Variants in TNFAIP1 observed in about 807,000 individuals in gnomAD.
TNFAIP1 encodes the protein BTB/POZ domain-containing adapter for CUL3-mediated RhoA degradation protein 2.
TNFAIP1 carries 20 observed loss-of-function variants against 32.6 expected under a neutral mutation model. The observed-to-expected ratio is 0.61, with a 90% CI of 0.43 to 0.89. TNFAIP1 has a LOEUF of 0.89. Among genes scored for constraint, TNFAIP1 ranks in the 40% least tolerant of loss-of-function variants. The pLI, the probability that TNFAIP1 is intolerant of heterozygous loss-of-function variation, is 0.00. For synonymous variants in TNFAIP1, 166 were observed against 166.8 expected (o/e 1.00, Z 0.04); for missense variants, 319 against 425.1 (o/e 0.75, Z 2.20).
Position 28,344,484 on chromosome 17 carries a change from C to G in TNFAIP1, c.835C>G (p.Pro279Ala). 2 of 1,614,060 alleles carry G rather than the reference C, an allele frequency of 1.2e-6. No individual in the cohort carries two copies. The highest frequency in any genetic ancestry group is 1.7e-6 in the Non-Finnish European group (2 of 1,180,032). ...ATSRSRSQAS[P>A]SEDEETFELR... ...AAGCCGTAGCCGCAGCCAGGCTTCC[C>G]CCAGTGAAGATGAGGAGACCTTTGA... is the stretch of plus-strand genomic sequence containing the variant. Residue 279 changes from proline (P) to alanine (A), a missense_variant, in exon 7 of 7, where the codon CCC becomes GCC. Physicochemically the swap from Pro to Ala is conservative, Grantham distance 27. Transcript: ENST00000226225.
Position 28,340,523 on chromosome 17 carries a change from T to G in TNFAIP1, c.375+45T>G. 6.3e-7 allele frequency: 1 copy of G among 1,599,778 alleles called. No individual in the cohort carries two copies. Among genetic ancestry groups the G allele is most frequent in the Non-Finnish European group, 8.5e-7 (1 of 1,170,496 alleles). On this transcript the variant is annotated intron_variant, in intron 3 of 6. Coordinates refer to ENST00000226225, the MANE Select transcript of TNFAIP1 (RefSeq NM_021137.5). This position sits in a 1 kb window ranked among gnomAD's most constrained non-coding sequence, Gnocchi z 4.1. ...CAGGGCGGGCAGATGAGGTCAGGAG[T>G]TGCCCCCTTCTTGTGGGATGGAGGA...
Position 28,339,486 on chromosome 17 carries a change from A to G in TNFAIP1, c.-36A>G. ...CACCACGGCGGAGCCTTCCAAGCCT[A>G]CCTCCTGCCGTGTGGTGATCTACCT... On this transcript the variant is annotated 5_prime_UTR_variant, in exon 2 of 7. Coordinates refer to ENST00000226225, the MANE Select transcript of TNFAIP1 (RefSeq NM_021137.5). 2.6e-6 allele frequency: 4 copies of G among 1,551,234 alleles called. No homozygotes were observed. The highest frequency in any genetic ancestry group is 3.5e-6 in the Non-Finnish European group (4 of 1,149,548).
rs1206496136 is a variant in TNFAIP1, at chr17:28,346,248, TG to T, written c.*1649del. 1 of 152,260 alleles carries T rather than the reference TG, an allele frequency of 6.6e-6. No individual in the cohort carries two copies. Among genetic ancestry groups the T allele is most frequent in the African/African-American group, 2.4e-5 (1 of 41,474 alleles). 9.4% of individuals were successfully genotyped at this position (152,260 alleles called of 1,614,324 possible). On this transcript the variant is annotated 3_prime_UTR_variant, in exon 7 of 7. Coordinates refer to ENST00000226225, the MANE Select transcript of TNFAIP1 (RefSeq NM_021137.5). ...AAGACTCTCAGGTCAGGTACCTTGG[TG>T]ATCAGCTACTAGTTCTTCCAGCCCT...
rs1597794113 is a variant in TNFAIP1, at chr17:28,340,531, T to C, written c.375+53T>C. On this transcript the variant is annotated intron_variant, in intron 3 of 6. Transcript: ENST00000226225. The surrounding 1 kb of genome is among the most constrained non-coding windows in gnomAD (Gnocchi z 4.1). ...GCAGATGAGGTCAGGAGTTGCCCCC[T>C]TCTTGTGGGATGGAGGACTCTGGTT... is the stretch of plus-strand genomic sequence containing the variant. 6.3e-7 allele frequency: 1 copy of C among 1,591,038 alleles called. No homozygotes were observed. The highest frequency in any genetic ancestry group is 2.3e-5 in the East Asian group (1 of 44,430).
rs200262864 is a variant in TNFAIP1 at position 28,344,469 on chromosome 17, C to T, written c.820C>T (p.Arg274Cys). The T allele has an allele frequency of 1.2e-4, 197 of 1,613,914 alleles. No individual in the cohort carries two copies. Among genetic ancestry groups the T allele is most frequent in the Middle Eastern group, 3.3e-4 (2 of 6,082 alleles). The stretch of plus-strand genomic sequence containing the variant: ...CTTGTTGGAGGCCACAAGCCGTAGC[C>T]GCAGCCAGGCTTCCCCCAGTGAAGA... Reference protein sequence around the residue: ...NSLLEATSRSRSQASPSEDEE... With the variant: ...NSLLEATSRSCSQASPSEDEE... Residue 274 changes from arginine to cysteine, a missense_variant, in exon 7 of 7, where the codon CGC becomes TGC. Transcript: ENST00000226225.
chr17:28,342,584 A>G lies in TNFAIP1; in HGVS notation c.714+142A>G. 1 of 802,284 alleles carries G rather than the reference A, an allele frequency of 1.2e-6. No homozygotes were observed. Among genetic ancestry groups the G allele is most frequent in the Non-Finnish European group, 1.8e-6 (1 of 540,868 alleles). 49.7% of individuals were successfully genotyped at this position (802,284 alleles called of 1,614,324 possible). Reference sequence around the variant, plus strand: ...AACACGGTAATGGTGCTGGGCAAGGACAAGGCCAGAACAAGGGGTGTGGGG... The same window carrying G: ...AACACGGTAATGGTGCTGGGCAAGGGCAAGGCCAGAACAAGGGGTGTGGGG... On this transcript the variant is annotated intron_variant, in intron 6 of 6. Coordinates refer to ENST00000226225, the MANE Select transcript of TNFAIP1 (RefSeq NM_021137.5). This position sits in a 1 kb window ranked among gnomAD's most constrained non-coding sequence, Gnocchi z 4.0.
chr17:28,346,094 C>T lies in TNFAIP1; in HGVS notation c.*1494C>T, dbSNP rs1907548409. On this transcript the variant is annotated 3_prime_UTR_variant, in exon 7 of 7. Transcript: ENST00000226225. ...CTTATGATAGCTGATGCCACAGAGC[C>T]TATGGGCAAATGCCAGACCCAGGGT... 1 of 152,238 alleles carries T rather than the reference C, an allele frequency of 6.6e-6. No individual in the cohort carries two copies. The highest frequency in any genetic ancestry group is 1.5e-5 in the Non-Finnish European group (1 of 68,036). 9.4% of individuals were successfully genotyped at this position (152,238 alleles called of 1,614,324 possible). A position where few individuals can be genotyped will look rare whatever the true frequency, so the allele number is the denominator to read the frequency against.
chr17:28,342,359 T>TG lies in TNFAIP1; in HGVS notation c.633dup (p.Ser212ValfsTer8), dbSNP rs782820718. The TG allele has an allele frequency of 6.2e-7, 1 of 1,608,148 alleles. No individual in the cohort carries two copies. The highest frequency in any genetic ancestry group is 8.5e-7 in the Non-Finnish European group (1 of 1,174,844). ...TGTCATTGGTGACGAGATCTGCTGCTGGTCCTTTTATGGCCAGGGCCGTAA... is the reference window on the plus strand; with the variant it reads ...TGTCATTGGTGACGAGATCTGCTGCTGGGTCCTTTTATGGCCAGGGCCGTAA... On this transcript the variant is annotated frameshift_variant, in exon 6 of 7. Transcript: ENST00000226225. LOFTEE classifies it high-confidence loss of function. The surrounding 1 kb of genome is among the most constrained non-coding windows in gnomAD (Gnocchi z 4.0).
Position 28,344,459 on chromosome 17 carries a change from A to G in TNFAIP1, c.810A>G (p.Thr270=). ...CCGACAACTCCTTGTTGGAGGCCAC[A>G]AGCCGTAGCCGCAGCCAGGCTTCCC... The part of the protein sequence containing the change: ...RVPDNSLLEA[T]SRSRSQASPS... Residue 270 remains threonine, a synonymous_variant, in exon 7 of 7, where the codon ACA becomes ACG. Coordinates refer to ENST00000226225, the MANE Select transcript of TNFAIP1 (RefSeq NM_021137.5). 6.2e-7 allele frequency: 1 copy of G among 1,613,998 alleles called. No individual in the cohort carries two copies. The highest frequency in any genetic ancestry group is 8.5e-7 in the Non-Finnish European group (1 of 1,180,020).
rs185848165 is a variant in TNFAIP1 at position 28,344,814 on chromosome 17, T to C, written c.*214T>C. The C allele has an allele frequency of 1.3e-4, 75 of 590,586 alleles. 1 individual carries two copies. In the Admixed American group the frequency reaches 2.1e-3, roughly 17 times the overall value. The allele number at this position is 590,586 out of a possible 1,614,324, so 36.6% of individuals were successfully genotyped here. A position where few individuals can be genotyped will look rare whatever the true frequency, so the allele number is the denominator to read the frequency against. ...CTTCTGGAGACTGCGTCCTGTCCTA[T>C]CTGCTCACCATCACCCTTCCTGCCC... is the stretch of plus-strand genomic sequence containing the variant. On this transcript the variant is annotated 3_prime_UTR_variant, in exon 7 of 7. Transcript: ENST00000226225.
In TNFAIP1 at chr17:28,339,668, C is replaced by G; in HGVS notation, c.147C>G (p.His49Gln). 6.2e-7 allele frequency: 1 copy of G among 1,614,090 alleles called. No homozygotes were observed. The highest frequency in any genetic ancestry group is 1.1e-5 in the South Asian group (1 of 91,086). ...YYTTVRALTR[H>Q]DTMLKAMFSG... ...CCACTGTGCGGGCCCTGACCCGCCA[C>G]GACACCATGCTCAAGGCCATGTTCA... is the stretch of plus-strand genomic sequence containing the variant. The change falls in exon 2 of 7, where the codon CAC becomes CAG. Residue 49 changes from histidine to glutamine, a missense_variant. Physicochemically the swap from His to Gln is conservative, Grantham distance 24. Coordinates refer to ENST00000226225, the MANE Select transcript of TNFAIP1 (RefSeq NM_021137.5).
At position 28,339,585 on chromosome 17, in the gene TNFAIP1, G is replaced by A. The variant is rs782133858; in HGVS notation, c.64G>A (p.Gly22Arg). 17 of 1,613,798 alleles carry A rather than the reference G, an allele frequency of 1.1e-5. No individual in the cohort carries two copies. Among genetic ancestry groups the A allele is most frequent in the Non-Finnish European group, 1.3e-5 (15 of 1,179,928 alleles). The part of the protein sequence containing the change: ...GAKPKLSGFK[G>R]GGLGNKYVQL... ...CAAGCCCAAGCTCAGTGGCTTCAAG[G>A]GAGGAGGGTTGGGCAACAAGTATGT... Residue 22 changes from glycine (G) to arginine (R), a missense_variant, in exon 2 of 7, where the codon GGA becomes AGA. Coordinates refer to ENST00000226225, the MANE Select transcript of TNFAIP1 (RefSeq NM_021137.5).
intron 6 of TNFAIP1, among the ~76,000 whole-genome samples, chr17:28,343,858 A>G (rs972758946): frequency 1.3e-5 from 2 of 152,086 alleles, no homozygotes; most frequent in Admixed American, 1.3e-4. Flanking sequence ...ACACTGCGTC[A>G]GGCAGGCAGA....
Position 28,338,795 on chromosome 17 carries a change from C to A in TNFAIP1, c.-114-613C>A, listed in dbSNP as rs554454650. On this transcript the variant is annotated intron_variant, in intron 1 of 6. Coordinates refer to ENST00000226225, the MANE Select transcript of TNFAIP1 (RefSeq NM_021137.5). The stretch of plus-strand genomic sequence containing the variant: ...TGGTAGATCTCTAGGGTGATCTGTT[C>A]CTCTGGCCCTCTCTAACTGGTTCCA... 1.6e-3 allele frequency among the ~76,000 whole-genome samples: 246 copies of A among 152,064 alleles called. 1 individual carries two copies. Among genetic ancestry groups the A allele is most frequent in the Non-Finnish European group, 3.1e-3 (208 of 67,970 alleles).
rs782765956 is a variant in TNFAIP1 at position 28,342,235 on chromosome 17, T to C, written c.519-12T>C. On this transcript the variant is annotated splice_polypyrimidine_tract_variant and intron_variant, in intron 5 of 6. Coordinates refer to ENST00000226225, the MANE Select transcript of TNFAIP1 (RefSeq NM_021137.5). This position sits in a 1 kb window ranked among gnomAD's most constrained non-coding sequence, Gnocchi z 4.0. ...CTCACTCCCAGCCGCTTGGCCCTCA[T>C]GTTTTTTTCAGCAACTCTGACGACC... The C allele has an allele frequency of 3.2e-6, 5 of 1,572,786 alleles. No individual in the cohort carries two copies. In the African/African-American group the frequency reaches 6.7e-5, roughly 21 times the overall value.
intron 4 of TNFAIP1, 27 bp from the exon 5 acceptor site, chr17:28,341,377 G>A (rs1555578144): frequency 6.2e-7 from 1 of 1,614,198 alleles, no homozygotes; most frequent in Admixed American, 1.7e-5. Flanking sequence ...CCCCTGGCCT[G>A]GCCCCTCACT....
intron 2 of TNFAIP1, 46 bp downstream of exon 2, chr17:28,339,772 T>G: frequency 6.3e-7 from 1 of 1,585,168 alleles, no homozygotes; most frequent in Non-Finnish European, 8.6e-7. Flanking sequence ...GCAGGAGGAG[T>G]TCCCAAGGAA....
chr17:28,342,171 A>C lies in TNFAIP1; in HGVS notation c.519-76A>C. On this transcript the variant is annotated intron_variant, in intron 5 of 6. Coordinates refer to ENST00000226225, the MANE Select transcript of TNFAIP1 (RefSeq NM_021137.5). This position sits in a 1 kb window ranked among gnomAD's most constrained non-coding sequence, Gnocchi z 4.0. The stretch of plus-strand genomic sequence containing the variant: ...CAGGATGGGGGAAGGGAGGGAGGGG[A>C]GGGCCCCACTTGTCTAGCACCCTCC... 2.3e-6 allele frequency: 3 copies of C among 1,287,402 alleles called. No individual in the cohort carries two copies. Among genetic ancestry groups the C allele is most frequent in the Non-Finnish European group, 3.2e-6 (3 of 950,622 alleles). 79.7% of individuals were successfully genotyped at this position (1,287,402 alleles called of 1,614,324 possible). A position where few individuals can be genotyped will look rare whatever the true frequency, so the allele number is the denominator to read the frequency against.
At position 28,342,326 on chromosome 17, in the gene TNFAIP1, A is replaced by G; in HGVS notation, c.598A>G (p.Ile200Val). 5.6e-6 allele frequency: 9 copies of G among 1,606,648 alleles called. No homozygotes were observed. The highest frequency in any genetic ancestry group is 6.8e-6 in the Non-Finnish European group (8 of 1,173,680). ...GCGCTTCAACGGCCGCGTGCTCTTC[A>G]TCAAGGATGTCATTGGTGACGAGAT... is the stretch of plus-strand genomic sequence containing the variant. ...SLRFNGRVLF[I>V]KDVIGDEICC... Residue 200 changes from isoleucine to valine, a missense_variant, in exon 6 of 7, where the codon ATC (isoleucine) becomes GTC (valine). Coordinates refer to ENST00000226225, the MANE Select transcript of TNFAIP1 (RefSeq NM_021137.5). This position sits in a 1 kb window ranked among gnomAD's most constrained non-coding sequence, Gnocchi z 4.0.
Sources: allele counts gnomAD v4.1 joint callset (sites outside exome capture counted in the v4.1 genomes callset), GRCh38; gene constraint gnomAD v4.1.1; non-coding constraint Gnocchi (gnomAD v3.1); transcripts MANE v1.5; gene names NCBI Gene and HGNC (gene_info 2026-07-23, HGNC 2026-07-21).